The following SNAP25 variants were observed in gnomAD, a reference collection of about 807,000 sequenced individuals.
The protein encoded by SNAP25 is synaptosomal-associated protein 25.
SNAP25 carries 3 observed loss-of-function variants against 28.7 expected under a neutral mutation model. That is an observed-to-expected ratio of 0.10 (90% confidence interval 0.05 to 0.27). SNAP25 has a LOEUF of 0.27. Ranked by LOEUF, SNAP25 falls within the 10% of genes least tolerant of loss-of-function variation. The pLI, the probability that SNAP25 is intolerant of heterozygous loss-of-function variation, is 1.00. For synonymous variants in SNAP25, 61 were observed against 88.1 expected (o/e 0.69, Z 1.72); for missense variants, 117 against 278.7 (o/e 0.42, Z 4.13).
rs1358838726 is a variant in SNAP25, at chr20:10,282,846, A to G, written c.115-1878A>G. ...GGAGAAAGAATGCAGAAAAGAGCAAATAAATCATTAAAATACAGGCTAGTA... is the reference window on the plus strand; with the variant it reads ...GGAGAAAGAATGCAGAAAAGAGCAAGTAAATCATTAAAATACAGGCTAGTA... On this transcript the variant is annotated intron_variant, in intron 3 of 7. Coordinates refer to ENST00000254976, the MANE Select transcript of SNAP25 (RefSeq NM_130811.4). 5.3e-5 allele frequency among the ~76,000 whole-genome samples: 8 copies of G among 152,368 alleles called. No homozygotes were observed. The East Asian group carries it at 1.2e-3, about 22-fold the overall frequency.
chr20:10,263,262 G>A (rs555391389), intron 1 of SNAP25, among the ~76,000 whole-genome samples: 1 of 151,610 alleles, frequency 6.6e-6, no homozygotes, highest in Non-Finnish European at 1.5e-5. Context: ...CTCATGATCC[G>A]CCCGCCTCGG....
chr20:10,279,710 T>G (rs1439446489), intron 3 of SNAP25, among the ~76,000 whole-genome samples: 1 of 152,232 alleles, frequency 6.6e-6, no homozygotes, highest in Non-Finnish European at 1.5e-5. Flanking sequence ...TGTTTTTGTT[T>G]CTCCTAAAGC....
intron 1 of SNAP25, among the ~76,000 whole-genome samples, chr20:10,269,795 CAT>C (rs1294943361): frequency 6.6e-6 from 1 of 152,190 alleles, no homozygotes. Flanking sequence ...ATAATTTTCA[CAT>C]GTCACAAAAT....
At chr20:10,226,661 TA>T (rs1600636139) in intron 1 of SNAP25, among the ~76,000 whole-genome samples, 1 of 152,080 alleles carries the variant, frequency 6.6e-6, no homozygotes, top group East Asian at 1.9e-4. Flanking sequence ...CTAATCAAAA[TA>T]TACAATCTAT....
intron 1 of SNAP25, among the ~76,000 whole-genome samples, chr20:10,237,114 A>T (rs1345295143): frequency 6.6e-6 from 1 of 152,076 alleles, no homozygotes. Flanking sequence ...GGAAGCGCTG[A>T]TGGGGGAGTG....
At chr20:10,239,909 C>G (rs537180859) in intron 1 of SNAP25, among the ~76,000 whole-genome samples, 1 of 152,270 alleles carries the variant, frequency 6.6e-6, no homozygotes, top group South Asian at 2.1e-4. Context: ...TTTCTGGAAC[C>G]CGGGTGTATT....
intron 1 of SNAP25, among the ~76,000 whole-genome samples, chr20:10,272,443 T>A (rs552456450): frequency 6.6e-6 from 1 of 152,220 alleles, no homozygotes; most frequent in African/African-American, 2.4e-5. Context: ...TCTACTCAAC[T>A]TCCCCACGGG....
chr20:10,261,746 C>G (rs363022), intron 1 of SNAP25, among the ~76,000 whole-genome samples: 60,507 of 151,928 alleles, frequency 0.4, 12,204 homozygotes, highest in South Asian at 0.52. Flanking sequence ...ATGTAGCGTG[C>G]ATTTATGCCT....
intron 4 of SNAP25, among the ~76,000 whole-genome samples, chr20:10,287,351 C>T (rs1256725302): frequency 1.3e-5 from 2 of 151,968 alleles, no homozygotes; most frequent in African/African-American, 4.8e-5. Flanking sequence ...GGGTGAAGGA[C>T]ATGAACAGAC....
intron 1 of SNAP25, among the ~76,000 whole-genome samples, chr20:10,263,338 A>G (rs368510090): frequency 3.4e-4 from 52 of 152,156 alleles, no homozygotes; most frequent in Non-Finnish European, 5.7e-4. Flanking sequence ...GTATTCTTAC[A>G]AAGAGGGTCA....
chr20:10,237,577 C>A (rs907660681), intron 1 of SNAP25, among the ~76,000 whole-genome samples: 28 of 152,162 alleles, frequency 1.8e-4, no homozygotes, highest in African/African-American at 6.8e-4. Flanking sequence ...ATAGCTCGGA[C>A]CTTCATTTAT....
rs538821087 is a variant in SNAP25 at position 10,231,630 on chromosome 20, G to C, written c.-64+12653G>C. 5 of 152,292 alleles carry C rather than the reference G, an allele frequency of 3.3e-5. No individual in the cohort carries two copies. In the East Asian group the frequency reaches 9.7e-4, roughly 29 times the overall value. The allele number at this position is 152,292 out of a possible 1,614,324, so 9.4% of individuals were successfully genotyped here. A position where few individuals can be genotyped will look rare whatever the true frequency, so the allele number is the denominator to read the frequency against. ...GTGGTGTCCCAAACTCTACAAAACA[G>C]GGTAGGAACATTCTCATAACCCTGA... On this transcript the variant is annotated intron_variant, in intron 1 of 7. Coordinates refer to ENST00000254976, the MANE Select transcript of SNAP25 (RefSeq NM_130811.4).
intron 1 of SNAP25, among the ~76,000 whole-genome samples, chr20:10,268,776 G>A (rs757936785): frequency 1.3e-5 from 2 of 152,092 alleles, no homozygotes; most frequent in Non-Finnish European, 2.9e-5. Context: ...AAAGAATAAA[G>A]AGCTTTTCAA....
chr20:10,270,808 C>CAT (rs1316039412), intron 1 of SNAP25, among the ~76,000 whole-genome samples: 1 of 152,158 alleles, frequency 6.6e-6, no homozygotes, highest in African/African-American at 2.4e-5. Context: ...AAGGTTTCTG[C>CAT]ATATTCTGAC....
chr20:10,236,490 A>G (rs2062923702), intron 1 of SNAP25, among the ~76,000 whole-genome samples: 1 of 152,144 alleles, frequency 6.6e-6, no homozygotes, highest in Non-Finnish European at 1.5e-5. Flanking sequence ...AGACGATTGC[A>G]TTTTAAGTTT....
chr20:10,229,384 A>G (rs1306543059), intron 1 of SNAP25, among the ~76,000 whole-genome samples: 1 of 152,144 alleles, frequency 6.6e-6, no homozygotes, highest in Non-Finnish European at 1.5e-5. Context: ...AGCCTTGAAT[A>G]CAAAATTCCT....
At chr20:10,284,191 C>T (rs1330295728) in intron 3 of SNAP25, among the ~76,000 whole-genome samples, 3 of 152,016 alleles carry the variant, frequency 2.0e-5, no homozygotes, top group African/African-American at 7.2e-5. Context: ...AGCTGTGTTT[C>T]CCAACCTTTG....
chr20:10,275,673 G>A lies in SNAP25; in HGVS notation c.72+110G>A, dbSNP rs184928875. The A allele has an allele frequency of 7.6e-3, 6,374 of 836,654 alleles. 53 individuals are homozygous for A. The highest frequency in any genetic ancestry group is 8.6e-3 in the Non-Finnish European group (4,876 of 569,278). 51.8% of individuals were successfully genotyped at this position (836,654 alleles called of 1,614,324 possible). ...TCTTTCAATGTCTCAATTTCTTTTA[G>A]AAAAAGTAATATGACTTTGATTTTC... On this transcript the variant is annotated intron_variant, in intron 2 of 7. Transcript: ENST00000254976.
In SNAP25 at chr20:10,275,452, A is replaced by T; in HGVS notation, c.-40A>T. 5 of 1,561,792 alleles carry T rather than the reference A, an allele frequency of 3.2e-6. No homozygotes were observed. The South Asian group carries it at 3.5e-5, about 11-fold the overall frequency. On this transcript the variant is annotated 5_prime_UTR_variant, in exon 2 of 8. Transcript: ENST00000254976. ...AGGTCCAGAGCCAAACCCGTCACTGACCCCCCAGCCCAGGCGCCCAGCCAC... is the reference window on the plus strand; with the variant it reads ...AGGTCCAGAGCCAAACCCGTCACTGTCCCCCCAGCCCAGGCGCCCAGCCAC...
Sources: gnomAD v4.1 joint callset for allele counts (sites outside exome capture counted in the v4.1 genomes callset) on GRCh38, gnomAD v4.1.1 for gene constraint, MANE v1.5 for transcripts, NCBI Gene and HGNC (gene_info 2026-07-23, HGNC 2026-07-21) for gene names.